Variants in LRRC4C observed in about 807,000 individuals in gnomAD.
The protein encoded by LRRC4C is leucine rich repeat containing 4C.
LRRC4C carries 5 observed loss-of-function variants against 33.6 expected under a neutral mutation model. The observed-to-expected ratio is 0.15, with a 90% CI of 0.08 to 0.31. The LOEUF (loss-of-function observed/expected upper bound fraction) is 0.31. Ranked by LOEUF, LRRC4C falls within the 10% of genes least tolerant of loss-of-function variation. The probability of loss-of-function intolerance (pLI) is 1.00; values close to 1 mark genes in which losing one functional copy is unlikely to be tolerated. For synonymous variants in LRRC4C, 329 were observed against 302.0 expected, an observed-to-expected ratio of 1.09 and a Z score of -0.93; for missense variants, 560 against 796.7, an observed-to-expected ratio of 0.70 and a Z score of 3.58.
chr11:40,646,682 C>T (rs562891212), intron 3 of LRRC4C, among the ~76,000 whole-genome samples: 17 of 152,340 alleles, frequency 1.1e-4, no homozygotes, highest in African/African-American at 3.8e-4. Flanking sequence ...TCTCGGCTCA[C>T]TGCAAGCTCC....
In LRRC4C at chr11:40,115,216, G is replaced by A; in HGVS notation, c.1077C>T (p.Pro359=). Residue 359 remains proline (P), a synonymous_variant, in exon 7 of 7, where the codon CCC becomes CCT. Coordinates refer to ENST00000528697, the MANE Select transcript of LRRC4C (RefSeq NM_001258419.2). This position sits in a 1 kb window ranked among gnomAD's most constrained non-coding sequence, Gnocchi z 6.7. ...CTTCAGTGACATTGAGGTCTGCAGG[G>A]GGCTCCACAATCACCGGAGCATAGC... ...FTCYAPVIVE[P]PADLNVTEGM... The A allele has an allele frequency of 6.2e-7, 1 of 1,614,128 alleles. No individual in the cohort carries two copies.
chr11:40,501,605 G>C (rs1954775785), intron 3 of LRRC4C, among the ~76,000 whole-genome samples: 1 of 152,142 alleles, frequency 6.6e-6, no homozygotes. Flanking sequence ...CTGTACCTTG[G>C]CTCTTTTTAG....
At chr11:40,491,577 T>C (rs1200859883) in intron 3 of LRRC4C, among the ~76,000 whole-genome samples, 2 of 152,142 alleles carry the variant, frequency 1.3e-5, no homozygotes, top group Non-Finnish European at 2.9e-5. Context: ...TCTTAGAAGC[T>C]GCTGATCACT....
chr11:40,362,326 A>G (rs1947992850), intron 3 of LRRC4C, among the ~76,000 whole-genome samples: 1 of 152,204 alleles, frequency 6.6e-6, no homozygotes, highest in African/African-American at 2.4e-5. Flanking sequence ...TAAACAGACA[A>G]CCTATAGAAT....
At chr11:40,226,569 G>C (rs1864812810) in intron 5 of LRRC4C, among the ~76,000 whole-genome samples, 1 of 152,136 alleles carries the variant, frequency 6.6e-6, no homozygotes. Flanking sequence ...GCTTGAAAGT[G>C]GTCTGAGGCC....
chr11:40,272,615 C>A (rs1942791466), intron 4 of LRRC4C, among the ~76,000 whole-genome samples: 1 of 151,668 alleles, frequency 6.6e-6, no homozygotes, highest in Non-Finnish European at 1.5e-5. Context: ...TGTGTAAGAC[C>A]CCAAGTGAAA....
chr11:40,561,740 AAAG>A (rs1295443252), intron 3 of LRRC4C, among the ~76,000 whole-genome samples: 2 of 152,108 alleles, frequency 1.3e-5, no homozygotes, highest in Non-Finnish European at 1.5e-5. Flanking sequence ...GTAGACTCCT[AAAG>A]AAGGAGATTA....
Position 40,124,072 on chromosome 11 carries a change from G to A in LRRC4C, c.-42-7738C>T, listed in dbSNP as rs1016302673. On this transcript the variant is annotated intron_variant, in intron 6 of 6. Coordinates refer to ENST00000528697, the MANE Select transcript of LRRC4C (RefSeq NM_001258419.2). ...GAAAACTAGACCTCTATCTCTGGTC[G>A]TGTAAAAAAATCAAAATGGATTAAA... 5.3e-5 allele frequency among the ~76,000 whole-genome samples: 8 copies of A among 151,812 alleles called. No homozygotes were observed. The South Asian group carries it at 6.2e-4, about 12-fold the overall frequency.
At chr11:40,818,795 T>G (rs1415330178) in intron 2 of LRRC4C, among the ~76,000 whole-genome samples, 1 of 152,040 alleles carries the variant, frequency 6.6e-6, no homozygotes, top group African/African-American at 2.4e-5. Context: ...AGGTTCATAA[T>G]TTCTAAAAGA....
At chr11:40,117,665 A>T (rs1360302708) in intron 6 of LRRC4C, among the ~76,000 whole-genome samples, 1 of 151,818 alleles carries the variant, frequency 6.6e-6, no homozygotes, top group Admixed American at 6.6e-5. Context: ...TCAACTCAAT[A>T]AACAGTGTGT....
intron 1 of LRRC4C, among the ~76,000 whole-genome samples, chr11:41,393,199 A>G (rs951659705): frequency 4.6e-5 from 7 of 151,922 alleles, no homozygotes; most frequent in African/African-American, 1.4e-4. Flanking sequence ...AATTTCTTAT[A>G]CATCAAAATT....
intron 1 of LRRC4C, among the ~76,000 whole-genome samples, chr11:41,047,074 A>G (rs960605417): frequency 9.9e-5 from 15 of 152,268 alleles, no homozygotes; most frequent in Admixed American, 8.5e-4. Flanking sequence ...AAAATGATGA[A>G]GCAAACCACA....
At chr11:40,730,081 A>AT (rs1771624585) in intron 2 of LRRC4C, among the ~76,000 whole-genome samples, 1 of 151,292 alleles carries the variant, frequency 6.6e-6, no homozygotes, top group Admixed American at 6.6e-5. Flanking sequence ...CAGGAAGGGG[A>AT]ATATCACACT....
intron 3 of LRRC4C, among the ~76,000 whole-genome samples, chr11:40,346,808 C>T (rs1437007983): frequency 2.0e-5 from 3 of 152,084 alleles, no homozygotes; most frequent in Non-Finnish European, 2.9e-5. Context: ...TTATAAAAAT[C>T]GTTTTTTGTT....
intron 1 of LRRC4C, among the ~76,000 whole-genome samples, chr11:40,970,057 A>T (rs951969712): frequency 6.6e-6 from 1 of 152,140 alleles, no homozygotes; most frequent in Admixed American, 6.5e-5. Context: ...AATCAGAGCT[A>T]TGAGAAGCAG....
intron 3 of LRRC4C, among the ~76,000 whole-genome samples, chr11:40,400,307 C>G (rs2137537302): frequency 6.6e-6 from 1 of 152,214 alleles, no homozygotes; most frequent in Non-Finnish European, 1.5e-5. Flanking sequence ...CAAATTAAAA[C>G]TTAAACTTCT....
chr11:40,558,046 T>C (rs1243705834), intron 3 of LRRC4C, among the ~76,000 whole-genome samples: 1 of 152,190 alleles, frequency 6.6e-6, no homozygotes, highest in African/African-American at 2.4e-5. Flanking sequence ...TAATTCACTT[T>C]GTGTGCTTGA....
intron 1 of LRRC4C, among the ~76,000 whole-genome samples, chr11:41,254,191 A>C (rs1565521155): frequency 6.6e-6 from 1 of 152,050 alleles, no homozygotes; most frequent in Non-Finnish European, 1.5e-5. Context: ...CACATAAATG[A>C]AAAGGCATGG....
chr11:40,417,350 G>A (rs562652520), intron 3 of LRRC4C, among the ~76,000 whole-genome samples: 159 of 151,788 alleles, frequency 1.0e-3, no homozygotes, highest in Admixed American at 3.4e-3. Flanking sequence ...TTTCTTTTCT[G>A]AGATGGAGTC....
Sources: gnomAD v4.1 joint callset for allele counts (sites outside exome capture counted in the v4.1 genomes callset) on GRCh38, gnomAD v4.1.1 for gene constraint, Gnocchi (gnomAD v3.1) non-coding constraint, MANE v1.5 for transcripts, NCBI Gene and HGNC (gene_info 2026-07-23, HGNC 2026-07-21) for gene names.